The following NEO1 variants were observed in gnomAD, a reference collection of about 807,000 sequenced individuals.
The protein encoded by NEO1 is neogenin 1, also known as neogenin.
Under a neutral mutation model 159.7 loss-of-function variants are expected in NEO1, and 63 were observed. The observed-to-expected ratio is 0.39, with a 90% CI of 0.32 to 0.49. The LOEUF is 0.49. Among genes scored for constraint, NEO1 ranks in the 20% least tolerant of loss-of-function variants. The pLI is 0.85. For synonymous variants in NEO1, 633 were observed against 662.0 expected (o/e 0.96, Z 0.67); for missense variants, 1,615 against 1,831.0 (o/e 0.88, Z 2.15).
chr15:73,121,876 C>T lies in NEO1; in HGVS notation c.449-649C>T, dbSNP rs961182219. Among the ~76,000 whole-genome samples, 6 of 151,956 alleles carry T rather than the reference C, an allele frequency of 3.9e-5. No homozygotes were observed. The East Asian group carries it at 9.7e-4, about 25-fold the overall frequency. ...TTCTTTGGACAGTTTTCTTACTTTACGTCGTAAGATGTACCAGGTTCATCT... is the reference window on the plus strand; with the variant it reads ...TTCTTTGGACAGTTTTCTTACTTTATGTCGTAAGATGTACCAGGTTCATCT... On this transcript the variant is annotated intron_variant, in intron 2 of 28. Coordinates refer to ENST00000261908, the MANE Select transcript of NEO1 (RefSeq NM_002499.4).
chr15:73,189,448 T>C (rs1243039663), intron 7 of NEO1, among the ~76,000 whole-genome samples: 1 of 152,266 alleles, frequency 6.6e-6, no homozygotes, highest in Non-Finnish European at 1.5e-5. Context: ...GGATCCACTG[T>C]AGTCTGTCTT....
At chr15:73,052,130 G>GCGCGCGCCC (rs2067461402), upstream of NEO1, among the ~76,000 whole-genome samples, 1 of 150,320 alleles carries the variant, frequency 6.7e-6, no homozygotes, top group African/African-American at 2.4e-5. Flanking sequence ...AGCGCCCGGC[G>GCGCGCGCCC]CGCGCGCCCC....
In NEO1 at chr15:73,244,431, T is replaced by C. The variant is rs1197267928; in HGVS notation, c.1539T>C (p.Val513=). 6.2e-7 allele frequency: 1 copy of C among 1,614,066 alleles called. No individual in the cohort carries two copies. Among genetic ancestry groups the C allele is most frequent in the South Asian group, 1.1e-5 (1 of 91,062 alleles). The change falls in exon 9 of 29, where the codon GTT becomes GTC. Residue 513 remains valine, a synonymous_variant. Coordinates refer to ENST00000261908, the MANE Select transcript of NEO1 (RefSeq NM_002499.4). ...LMPATVYIFR[V]MAQNKHGSGE... The stretch of plus-strand genomic sequence containing the variant: ...CAGCGACCGTGTACATCTTTAGAGT[T>C]ATGGCTCAAAATAAGCATGGCTCAG...
chr15:73,216,457 A>T (rs1490512624), intron 7 of NEO1, among the ~76,000 whole-genome samples: 2 of 152,166 alleles, frequency 1.3e-5, no homozygotes, highest in African/African-American at 4.8e-5. Context: ...CAGTAATGGG[A>T]TGGCTGGGTC....
chr15:73,120,221 C>CAAA (rs2071562815), intron 2 of NEO1, among the ~76,000 whole-genome samples: 2 of 151,676 alleles, frequency 1.3e-5, no homozygotes, highest in Non-Finnish European at 2.9e-5. Context: ...AAGATTTCCT[C>CAAA]CTTTCCCCAA....
intron 1 of NEO1, among the ~76,000 whole-genome samples, chr15:73,078,100 AG>A (rs1356917110): frequency 6.6e-6 from 1 of 152,156 alleles, no homozygotes; most frequent in Non-Finnish European, 1.5e-5. Context: ...AGAAAGGGAT[AG>A]AAAAGAAGCG....
At chr15:73,290,277 G>C (rs958311291) in intron 25 of NEO1, among the ~76,000 whole-genome samples, 1 of 107,048 alleles carries the variant, frequency 9.3e-6, no homozygotes, top group Non-Finnish European at 1.7e-5. Flanking sequence ...GTCTTGCTGT[G>C]TCGCCAAGGC....
At chr15:73,261,066 A>G (rs181735644) in intron 15 of NEO1, among the ~76,000 whole-genome samples, 2 of 152,206 alleles carry the variant, frequency 1.3e-5, no homozygotes, top group East Asian at 3.9e-4. Context: ...TATGAAGAGA[A>G]TGGCCAATGG....
chr15:73,261,533 G>C (rs1184847559), intron 15 of NEO1, among the ~76,000 whole-genome samples: 1 of 152,034 alleles, frequency 6.6e-6, no homozygotes, highest in Non-Finnish European at 1.5e-5. Context: ...CTAATAATAA[G>C]CAGTTGGAAA....
chr15:73,272,423 C>T, intron 18 of NEO1, 32 bp from the exon 19 acceptor site: 1 of 1,529,088 alleles, frequency 6.5e-7, no homozygotes, highest in Non-Finnish European at 9.0e-7. Flanking sequence ...TTGAAATGGA[C>T]AGAAATTATT....
rs748973693 is a variant in NEO1, at chr15:73,210,993, A to G, written c.1292-25354A>G. Among the ~76,000 whole-genome samples, 60 of 152,258 alleles carry G rather than the reference A, an allele frequency of 3.9e-4. 2 individuals are homozygous for G. Among genetic ancestry groups the G allele is most frequent in the Non-Finnish European group, 1.0e-4 (7 of 68,044 alleles). On this transcript the variant is annotated intron_variant, in intron 7 of 28. Transcript: ENST00000261908. ...ACTTTCTACAAAGAAAACGAATGTC[A>G]TAACATAAAAATACATAAACATTTT...
chr15:73,267,355 A>G (rs568422586), intron 16 of NEO1, among the ~76,000 whole-genome samples: 5 of 152,234 alleles, frequency 3.3e-5, no homozygotes, highest in Admixed American at 6.5e-5. Flanking sequence ...TCTGAAAGAG[A>G]AAGTTTATTG....
intron 14 of NEO1, among the ~76,000 whole-genome samples, chr15:73,259,503 G>A (rs1045049126): frequency 3.3e-5 from 5 of 151,560 alleles, no homozygotes; most frequent in Non-Finnish European, 7.4e-5. Context: ...CTGGGACCAC[G>A]GGTGTGTGCC....
chr15:73,081,923 G>A (rs866217096), intron 1 of NEO1, among the ~76,000 whole-genome samples: 30 of 146,390 alleles, frequency 2.0e-4, no homozygotes, highest in Admixed American at 1.6e-3. Context: ...CTTGAGTGCA[G>A]TAGCCCAATT....
chr15:73,079,101 G>A (rs2068916515), intron 1 of NEO1, among the ~76,000 whole-genome samples: 1 of 152,150 alleles, frequency 6.6e-6, no homozygotes, highest in African/African-American at 2.4e-5. Context: ...TCAGAGTTGT[G>A]TATGGCAAAG....
chr15:73,166,798 A>C (rs2034598099), intron 5 of NEO1, among the ~76,000 whole-genome samples: 1 of 152,184 alleles, frequency 6.6e-6, no homozygotes, highest in Non-Finnish European at 1.5e-5. Flanking sequence ...TTCAGTCCTC[A>C]GTTCCCCCTT....
chr15:73,178,803 A>T (rs981679256), intron 7 of NEO1, among the ~76,000 whole-genome samples: 3 of 152,178 alleles, frequency 2.0e-5, no homozygotes, highest in African/African-American at 4.8e-5. Flanking sequence ...TCAAACACTG[A>T]GAAAACTAAA....
upstream of NEO1, among the ~76,000 whole-genome samples, chr15:73,052,303 GCC>G (rs1555416712): frequency 3.6e-4 from 9 of 24,932 alleles, no homozygotes; most frequent in Admixed American, 2.9e-3. Context: ...CCCGCCCCCC[GCC>G]CCCGCCCCCG....
chr15:73,160,235 G>C (rs1322381447), intron 5 of NEO1, among the ~76,000 whole-genome samples: 3 of 151,988 alleles, frequency 2.0e-5, no homozygotes, highest in Non-Finnish European at 4.4e-5. Flanking sequence ...TCTACTTTCT[G>C]CTCAACGCAG....
Sources: allele counts gnomAD v4.1 joint callset (sites outside exome capture counted in the v4.1 genomes callset), GRCh38; gene constraint gnomAD v4.1.1; transcripts MANE v1.5; gene names NCBI Gene and HGNC (gene_info 2026-07-23, HGNC 2026-07-21).